The following VEPH1 variants were observed in gnomAD, a reference collection of about 807,000 sequenced individuals.
VEPH1 encodes ventricular zone expressed PH domain containing 1.
A neutral mutation model predicts 85.2 loss-of-function variants in VEPH1; 80 were observed. That is an observed-to-expected ratio of 0.94 (90% CI 0.78 to 1.13). The LOEUF (loss-of-function observed/expected upper bound fraction) is 1.13. Among genes scored for constraint, VEPH1 ranks in the 50% most tolerant of loss-of-function variants. The pLI is 0.00. For missense variants in VEPH1, 955 were observed against 980.5 expected, an observed-to-expected ratio of 0.97 and a Z score of 0.35; for synonymous variants, 297 against 348.0, an observed-to-expected ratio of 0.85 and a Z score of 1.63.
At chr3:157,442,870 A>G (rs1414026381) in intron 4 of VEPH1, 2 of 1,614,194 alleles carry the variant, frequency 1.2e-6, no homozygotes, top group Non-Finnish European at 1.7e-6. Context: ...CTTAGCAATG[A>G]AGAGATAAGA....
intron 9 of VEPH1, among the ~76,000 whole-genome samples, chr3:157,331,639 TA>T (rs1452882231): frequency 6.6e-6 from 1 of 152,226 alleles, no homozygotes; most frequent in Non-Finnish European, 1.5e-5. Flanking sequence ...CATAGCACAG[TA>T]AATTTGCACT....
At chr3:157,489,337 C>T (rs1738995702) in intron 2 of VEPH1, 1 of 374,510 alleles carries the variant, frequency 2.7e-6, no homozygotes. Flanking sequence ...CCTACAACCT[C>T]AGGACTTTTG....
At chr3:157,501,107 T>C (rs1339911086) in intron 1 of VEPH1, among the ~76,000 whole-genome samples, 1 of 152,222 alleles carries the variant, frequency 6.6e-6, no homozygotes, top group African/African-American at 2.4e-5. Context: ...AATACATGAC[T>C]GTACTGTTCA....
At chr3:157,481,295 A>T (rs1352588439) in intron 2 of VEPH1, among the ~76,000 whole-genome samples, 1 of 152,020 alleles carries the variant, frequency 6.6e-6, no homozygotes, top group East Asian at 1.9e-4. Context: ...AAAGAAGCTC[A>T]TGGATTGGAA....
At chr3:157,409,185 A>G (rs1327774142) in intron 6 of VEPH1, among the ~76,000 whole-genome samples, 2 of 152,154 alleles carry the variant, frequency 1.3e-5, no homozygotes, top group African/African-American at 4.8e-5. Context: ...AGGTGCTACT[A>G]AGAAGTCATT....
intron 9 of VEPH1, among the ~76,000 whole-genome samples, chr3:157,327,156 A>G (rs1025563677): frequency 1.3e-5 from 2 of 152,078 alleles, no homozygotes; most frequent in South Asian, 2.1e-4. Flanking sequence ...AAAAAAAACC[A>G]TTATCCTTCA....
intron 4 of VEPH1, among the ~76,000 whole-genome samples, chr3:157,451,733 C>T (rs1304416630): frequency 2.0e-5 from 3 of 152,192 alleles, no homozygotes; most frequent in African/African-American, 4.8e-5. Flanking sequence ...ACCCCTGCCA[C>T]AGCACAAGAG....
intron 6 of VEPH1, among the ~76,000 whole-genome samples, chr3:157,383,435 T>A (rs1728975514): frequency 6.6e-6 from 1 of 152,248 alleles, no homozygotes; most frequent in African/African-American, 2.4e-5. Flanking sequence ...ATTTACTGAT[T>A]TAAGAAAACC....
intron 7 of VEPH1, among the ~76,000 whole-genome samples, chr3:157,377,108 G>A (rs186164162): frequency 2.0e-5 from 3 of 152,232 alleles, no homozygotes; most frequent in South Asian, 2.1e-4. Flanking sequence ...CTGTCCACAC[G>A]AGGGTTTAGA....
At position 157,261,246 on chromosome 3, in the gene VEPH1, T is replaced by C. The variant is rs1712842263; in HGVS notation, c.2390A>G (p.Tyr797Cys). Residue 797 changes from tyrosine (Y) to cysteine (C), a missense_variant, in exon 14 of 14, where the codon TAT becomes TGT. Transcript: ENST00000362010. Reference protein sequence around the residue: ...AFEIFTDNKTYVFKAKDEKNA... With the variant: ...AFEIFTDNKTCVFKAKDEKNA... ...CTTCTCATCCTTGGCCTTAAAGACA[T>C]AGGTTTTATTGTCTGTGAAGATTTC... is the stretch of plus-strand genomic sequence containing the variant. The C allele has an allele frequency of 6.2e-7, 1 of 1,613,756 alleles. No individual in the cohort carries two copies.
At chr3:157,433,556 A>G (rs901921165) in intron 4 of VEPH1, among the ~76,000 whole-genome samples, 1 of 152,288 alleles carries the variant, frequency 6.6e-6, no homozygotes, top group African/African-American at 2.4e-5. Context: ...AATAAACTCA[A>G]CTTGCTTATG....
intron 5 of VEPH1, among the ~76,000 whole-genome samples, chr3:157,421,510 T>C (rs546821341): frequency 6.6e-6 from 1 of 152,338 alleles, no homozygotes; most frequent in Admixed American, 6.5e-5. Context: ...TGAAATGAAT[T>C]AGGCTTAACT....
chr3:157,306,820 A>G (rs1317415191), intron 11 of VEPH1, among the ~76,000 whole-genome samples: 1 of 152,000 alleles, frequency 6.6e-6, no homozygotes, highest in African/African-American at 2.4e-5. Flanking sequence ...CCTTCATCTA[A>G]ATAATGTACA....
rs181291798 is a variant in VEPH1, at chr3:157,400,539, A to G, written c.906+13342T>C. ...AACTTTATGCTATGCTATTTGAGACAATAAATTATGGTCTTTAGTTTGAAT... is the reference window on the plus strand; with the variant it reads ...AACTTTATGCTATGCTATTTGAGACGATAAATTATGGTCTTTAGTTTGAAT... On this transcript the variant is annotated intron_variant, in intron 6 of 13. Transcript: ENST00000362010. Among the ~76,000 whole-genome samples, 212 of 152,294 alleles carry G rather than the reference A, an allele frequency of 1.4e-3. 2 individuals are homozygous for G. Among genetic ancestry groups the G allele is most frequent in the African/African-American group, 4.9e-3 (205 of 41,566 alleles).
At chr3:157,486,789 A>G (rs1738698635) in intron 2 of VEPH1, among the ~76,000 whole-genome samples, 1 of 152,172 alleles carries the variant, frequency 6.6e-6, no homozygotes, top group Admixed American at 6.5e-5. Flanking sequence ...CTCTGTAACA[A>G]AGCAAGTCTC....
At chr3:157,305,729 C>T (rs1334008630) in intron 11 of VEPH1, among the ~76,000 whole-genome samples, 1 of 152,076 alleles carries the variant, frequency 6.6e-6, no homozygotes, top group Non-Finnish European at 1.5e-5. Context: ...CGTGTGAGTG[C>T]CTTAACTCTT....
At chr3:157,418,663 C>G (rs1732102035) in intron 5 of VEPH1, among the ~76,000 whole-genome samples, 1 of 151,212 alleles carries the variant, frequency 6.6e-6, no homozygotes, top group South Asian at 2.1e-4. Flanking sequence ...CTACAAACCA[C>G]TGCTCAAGAA....
chr3:157,443,419 A>G (rs1734295285), intron 4 of VEPH1: 2 of 158,146 alleles, frequency 1.3e-5, no homozygotes, highest in South Asian at 3.7e-4. Flanking sequence ...AGATGAAAAC[A>G]TATTTATACT....
intron 4 of VEPH1, chr3:157,437,814 G>C: frequency 6.8e-7 from 1 of 1,462,890 alleles, no homozygotes; most frequent in African/African-American, 1.5e-5. Context: ...GCCCAGAGGA[G>C]GCGGGGCGCG....
Sources: allele counts gnomAD v4.1 joint callset (sites outside exome capture counted in the v4.1 genomes callset), GRCh38; gene constraint gnomAD v4.1.1; transcripts MANE v1.5; gene names NCBI Gene and HGNC (gene_info 2026-07-23, HGNC 2026-07-21).